CCDC73: variants seen among roughly 807,000 people sequenced by gnomAD.
CCDC73 encodes coiled-coil domain-containing protein 73.
CCDC73 carries 95 observed loss-of-function variants against 116.5 expected under a neutral mutation model. That is an observed-to-expected ratio of 0.82 (90% confidence interval 0.69 to 0.97). CCDC73 has a LOEUF of 0.97. Ranked by LOEUF, CCDC73 falls within the 50% of genes least tolerant of loss-of-function variation. The probability of loss-of-function intolerance (pLI) is 0.00; values close to 1 mark genes in which losing one functional copy is unlikely to be tolerated. For missense variants in CCDC73, 1,066 were observed against 1,206.8 expected, an observed-to-expected ratio of 0.88 and a Z score of 1.73; for synonymous variants, 398 against 401.3, an observed-to-expected ratio of 0.99 and a Z score of 0.10.
intron 7 of CCDC73, among the ~76,000 whole-genome samples, chr11:32,677,080 A>AT (rs1009547071): frequency 2.0e-5 from 3 of 151,920 alleles, no homozygotes; most frequent in Non-Finnish European, 4.4e-5. Context: ...ACTTTCATTC[A>AT]TTTTTTTTCC....
intron 6 of CCDC73, among the ~76,000 whole-genome samples, chr11:32,688,127 T>C (rs1231137186): frequency 6.6e-6 from 1 of 152,138 alleles, no homozygotes; most frequent in African/African-American, 2.4e-5. Context: ...AACACGCTGA[T>C]TACAAAGGAG....
rs758097803 is a variant in CCDC73, at chr11:32,740,161, T to C, written c.135+19948A>G. On this transcript the variant is annotated intron_variant, in intron 2 of 17. Coordinates refer to ENST00000335185, the MANE Select transcript of CCDC73 (RefSeq NM_001008391.4). ...TTCTTTTTCTTTCTTTTTTTTGTAA[T>C]GTGTCTTTGTCTGGTTTGGTATCAG... 8.2e-4 allele frequency among the ~76,000 whole-genome samples: 124 copies of C among 152,048 alleles called. 1 individual carries two copies. The highest frequency in any genetic ancestry group is 9.2e-4 in the Admixed American group (14 of 15,262).
intron 1 of CCDC73, among the ~76,000 whole-genome samples, chr11:32,772,534 A>G (rs957166183): frequency 3.3e-5 from 5 of 152,176 alleles, no homozygotes; most frequent in African/African-American, 9.7e-5. Flanking sequence ...TCAATACTAG[A>G]TTTCTTAGAT....
chr11:32,803,830 CAG>C, the CCDC73 span, among the ~76,000 whole-genome samples: 1 of 152,034 alleles, frequency 6.6e-6, no homozygotes, highest in African/African-American at 2.4e-5. Flanking sequence ...GTTTTTGAGA[CAG>C]AGTCTCGCTC....
At chr11:32,702,987 A>T (rs1426590379) in intron 3 of CCDC73, 43 bp from the exon 4 acceptor site, 13 of 1,248,396 alleles carry the variant, frequency 1.0e-5, no homozygotes, top group Non-Finnish European at 1.3e-5. Context: ...AATTCTAGCA[A>T]CTCTCTTTCA....
the CCDC73 span, among the ~76,000 whole-genome samples, chr11:32,827,093 T>C: frequency 6.6e-6 from 1 of 152,126 alleles, no homozygotes; most frequent in Non-Finnish European, 1.5e-5. Flanking sequence ...CTCAAACTGC[T>C]GACCTCATGA....
chr11:32,637,633 T>C (rs1855694516), intron 13 of CCDC73, among the ~76,000 whole-genome samples: 2 of 147,696 alleles, frequency 1.4e-5, no homozygotes, highest in Non-Finnish European at 3.0e-5. Flanking sequence ...CACACACCCC[T>C]CTCCTCTCTC....
At chr11:32,716,259 G>A (rs1227438912) in intron 3 of CCDC73, among the ~76,000 whole-genome samples, 8 of 152,098 alleles carry the variant, frequency 5.3e-5, no homozygotes, top group Admixed American at 5.2e-4. Flanking sequence ...ATGGAATCCA[G>A]CTCTAATACC....
chr11:32,611,082 G>T (rs1214696857), intron 17 of CCDC73, 50 bp downstream of exon 17: 6 of 1,590,744 alleles, frequency 3.8e-6, no homozygotes, highest in Non-Finnish European at 5.2e-6. Flanking sequence ...ACACATATCT[G>T]TAGAATTAGC....
intron 9 of CCDC73, among the ~76,000 whole-genome samples, chr11:32,673,617 T>C (rs1187749425): frequency 6.6e-6 from 1 of 152,188 alleles, no homozygotes; most frequent in Non-Finnish European, 1.5e-5. Context: ...AATCTTTGAC[T>C]GTGAAACAAC....
intron 1 of CCDC73, among the ~76,000 whole-genome samples, chr11:32,790,128 G>C (rs1850662437): frequency 6.6e-6 from 1 of 151,958 alleles, no homozygotes; most frequent in Non-Finnish European, 1.5e-5. Flanking sequence ...GATGAGGCTT[G>C]AGAAGCAGGC....
upstream of CCDC73, among the ~76,000 whole-genome samples, chr11:32,798,345 G>A (rs114805258): frequency 7.2e-3 from 1,099 of 152,380 alleles, 16 homozygotes; most frequent in African/African-American, 0.025. Context: ...GCAGGCTGGA[G>A]TGCAGTGGCA....
chr11:32,639,952 CTGTT>C (rs1855717947), intron 13 of CCDC73, among the ~76,000 whole-genome samples: 1 of 152,020 alleles, frequency 6.6e-6, no homozygotes. Flanking sequence ...TTTTCTTTCA[CTGTT>C]TATTTTTTTG....
chr11:32,734,953 T>G (rs1022117091), intron 2 of CCDC73, among the ~76,000 whole-genome samples: 15 of 152,190 alleles, frequency 9.9e-5, no homozygotes, highest in African/African-American at 2.7e-4. Context: ...GAAAAGGCCT[T>G]TGACAAAATT....
chr11:32,803,311 A>G, the CCDC73 span, among the ~76,000 whole-genome samples: 1 of 151,764 alleles, frequency 6.6e-6, no homozygotes, highest in Admixed American at 6.6e-5. Context: ...GGGTCTTTTC[A>G]AACTTCTGAC....
At chr11:32,707,376 G>A (rs1208990494) in intron 3 of CCDC73, among the ~76,000 whole-genome samples, 3 of 150,672 alleles carry the variant, frequency 2.0e-5, no homozygotes, top group Non-Finnish European at 4.4e-5. Flanking sequence ...AGTGCTACTC[G>A]AAGTTACTTT....
chr11:32,708,475 A>G (rs1486072826), intron 3 of CCDC73, among the ~76,000 whole-genome samples: 1 of 152,152 alleles, frequency 6.6e-6, no homozygotes, highest in Non-Finnish European at 1.5e-5. Flanking sequence ...ATTGCATTGA[A>G]TTTGTGGATG....
At chr11:32,818,234 G>A in the CCDC73 span, among the ~76,000 whole-genome samples, 2 of 152,128 alleles carry the variant, frequency 1.3e-5, no homozygotes, top group Non-Finnish European at 1.5e-5. Context: ...CTGCCCTTTC[G>A]GGCCGTAAGT....
intron 1 of CCDC73, among the ~76,000 whole-genome samples, chr11:32,780,217 T>C (rs1466948337): frequency 6.6e-6 from 1 of 152,044 alleles, no homozygotes; most frequent in Non-Finnish European, 1.5e-5. Context: ...GAGGTTGCAG[T>C]GAGCCAAGAT....
Sources: gnomAD v4.1 joint callset for allele counts (sites outside exome capture counted in the v4.1 genomes callset) on GRCh38, gnomAD v4.1.1 for gene constraint, MANE v1.5 for transcripts, NCBI Gene and HGNC (gene_info 2026-07-23, HGNC 2026-07-21) for gene names.